CTNNA3: variants seen among roughly 807,000 people sequenced by gnomAD.
The protein encoded by CTNNA3 is catenin alpha-3.
CTNNA3 carries 76 observed loss-of-function variants against 95.7 expected under a neutral mutation model. That is an observed-to-expected ratio of 0.79 (90% CI 0.66 to 0.96). CTNNA3 has a LOEUF of 0.96. Among genes scored for constraint, CTNNA3 ranks in the 40% least tolerant of loss-of-function variants. The pLI is 0.00. For missense variants in CTNNA3, 1,191 were observed against 1,089.8 expected, an observed-to-expected ratio of 1.09 and a Z score of -1.31; for synonymous variants, 431 against 374.4, an observed-to-expected ratio of 1.15 and a Z score of -1.74.
At chr10:67,329,380 A>G (rs1168754876) in intron 5 of CTNNA3, among the ~76,000 whole-genome samples, 1 of 152,196 alleles carries the variant, frequency 6.6e-6, no homozygotes, top group Admixed American at 6.5e-5. Flanking sequence ...CAAAAATAAA[A>G]TCAAATAAAA....
At chr10:66,557,663 G>A (rs1433436312) in intron 10 of CTNNA3, among the ~76,000 whole-genome samples, 1 of 151,962 alleles carries the variant, frequency 6.6e-6, no homozygotes, top group African/African-American at 2.4e-5. Context: ...GTCATTTCTG[G>A]CTGCTCACAC....
chr10:66,235,257 T>C lies in CTNNA3; in HGVS notation c.1884+45213A>G, dbSNP rs573795516. The stretch of plus-strand genomic sequence containing the variant: ...AGTAAAAAATAAGAAGTATACAATA[T>C]ATCAAATTGTGCTGCTTCTTTATTT... On this transcript the variant is annotated intron_variant, in intron 13 of 17. Coordinates refer to ENST00000433211, the MANE Select transcript of CTNNA3 (RefSeq NM_013266.4). Among the ~76,000 whole-genome samples, 207 of 152,274 alleles carry C rather than the reference T, an allele frequency of 1.4e-3. 1 individual carries two copies. The highest frequency in any genetic ancestry group is 4.9e-3 in the African/African-American group (203 of 41,574).
chr10:66,723,123 AG>A (rs1422936903), intron 9 of CTNNA3, among the ~76,000 whole-genome samples: 1 of 152,168 alleles, frequency 6.6e-6, no homozygotes, highest in African/African-American at 2.4e-5. Context: ...AATAAAGAAA[AG>A]GGAGAGGAGG....
chr10:67,695,513 T>C (rs1221092805), intron 1 of CTNNA3, among the ~76,000 whole-genome samples: 2 of 152,218 alleles, frequency 1.3e-5, no homozygotes, highest in Non-Finnish European at 2.9e-5. Context: ...CTTCCAATTA[T>C]AAAACAAATA....
intron 1 of CTNNA3, among the ~76,000 whole-genome samples, chr10:67,725,921 A>ATATATAATTATATAAT (rs374402638): frequency 7.3e-6 from 1 of 137,856 alleles, no homozygotes. Flanking sequence ...ATTGTACATA[A>ATATATAATTATATAAT]TATATAATTA....
chr10:67,705,274 C>T (rs941709827), intron 1 of CTNNA3, among the ~76,000 whole-genome samples: 2 of 152,120 alleles, frequency 1.3e-5, no homozygotes, highest in African/African-American at 2.4e-5. Context: ...CATCCCATTA[C>T]TGGGTATATA....
intron 6 of CTNNA3, among the ~76,000 whole-genome samples, chr10:67,195,100 G>A (rs1863288533): frequency 1.3e-5 from 2 of 150,980 alleles, no homozygotes. Flanking sequence ...AGGGATGATA[G>A]CAAAAGAACA....
At chr10:67,744,553 G>A (rs1457647190) in intron 1 of CTNNA3, among the ~76,000 whole-genome samples, 1 of 151,242 alleles carries the variant, frequency 6.6e-6, no homozygotes, top group Non-Finnish European at 1.5e-5. Context: ...AAAAACCCTA[G>A]AAGAAAACTT....
chr10:67,632,573 C>G (rs1031996041), intron 2 of CTNNA3, among the ~76,000 whole-genome samples: 1 of 152,266 alleles, frequency 6.6e-6, no homozygotes, highest in Admixed American at 6.5e-5. Context: ...CACCTGGGAG[C>G]AGCACGGAGC....
intron 12 of CTNNA3, among the ~76,000 whole-genome samples, chr10:66,357,525 A>G (rs2092620300): frequency 6.6e-6 from 1 of 152,042 alleles, no homozygotes; most frequent in Non-Finnish European, 1.5e-5. Flanking sequence ...GCAACCACTA[A>G]TCTGCTTTCT....
chr10:66,493,547 T>C (rs1170374209), intron 11 of CTNNA3, among the ~76,000 whole-genome samples: 1 of 152,038 alleles, frequency 6.6e-6, no homozygotes, highest in African/African-American at 2.4e-5. Flanking sequence ...CTGGCACTTT[T>C]AATTTTTTTG....
At chr10:66,104,107 C>T (rs1283562479) in intron 13 of CTNNA3, among the ~76,000 whole-genome samples, 1 of 152,052 alleles carries the variant, frequency 6.6e-6, no homozygotes, top group Non-Finnish European at 1.5e-5. Context: ...ATAAATAATT[C>T]AACTTGAAAT....
intron 7 of CTNNA3, among the ~76,000 whole-genome samples, chr10:66,938,669 G>A (rs1161860126): frequency 6.6e-6 from 1 of 151,954 alleles, no homozygotes; most frequent in African/African-American, 2.4e-5. Flanking sequence ...AAGGTTAATC[G>A]TATTCTTAGG....
At chr10:66,737,992 C>T (rs933335448) in intron 9 of CTNNA3, among the ~76,000 whole-genome samples, 4 of 152,152 alleles carry the variant, frequency 2.6e-5, no homozygotes, top group Non-Finnish European at 5.9e-5. Flanking sequence ...CTTCTCTTCC[C>T]TGCACTGAAG....
At chr10:66,214,061 C>T (rs1181091438) in intron 13 of CTNNA3, among the ~76,000 whole-genome samples, 1 of 152,148 alleles carries the variant, frequency 6.6e-6, no homozygotes, top group Admixed American at 6.6e-5. Context: ...TTGTGTTCAG[C>T]AGTCAACATG....
chr10:66,052,483 C>T (rs1161257255), intron 15 of CTNNA3, among the ~76,000 whole-genome samples: 1 of 152,098 alleles, frequency 6.6e-6, no homozygotes, highest in Non-Finnish European at 1.5e-5. Flanking sequence ...GAAATGTTTA[C>T]TAGAGAGGGT....
chr10:66,768,663 G>A (rs1839962733), intron 8 of CTNNA3, among the ~76,000 whole-genome samples: 1 of 151,802 alleles, frequency 6.6e-6, no homozygotes, highest in South Asian at 2.1e-4. Context: ...TTTCTACCAA[G>A]AGAAAGGTAT....
chr10:66,255,476 T>G (rs891127194), intron 13 of CTNNA3, among the ~76,000 whole-genome samples: 3 of 152,170 alleles, frequency 2.0e-5, no homozygotes, highest in African/African-American at 7.2e-5. Flanking sequence ...CTTTATCTGA[T>G]ACGTAAAATT....
chr10:67,135,287 A>C, intron 7 of CTNNA3, among the ~76,000 whole-genome samples: 1 of 152,148 alleles, frequency 6.6e-6, no homozygotes, highest in East Asian at 1.9e-4. Flanking sequence ...ACATAACAAA[A>C]ATATAGTCTT....
Sources: gnomAD v4.1 joint callset for allele counts (sites outside exome capture counted in the v4.1 genomes callset) on GRCh38, gnomAD v4.1.1 for gene constraint, MANE v1.5 for transcripts, NCBI Gene and HGNC (gene_info 2026-07-23, HGNC 2026-07-21) for gene names.